PCDHGA4: variants seen among roughly 807,000 people sequenced by gnomAD.
PCDHGA4 encodes protocadherin gamma-A4.
Under a neutral mutation model 54.6 loss-of-function variants are expected in PCDHGA4, and 38 were observed. The ratio of observed to expected loss-of-function variants is 0.70; its 90% CI spans 0.54 to 0.91. The LOEUF (loss-of-function observed/expected upper bound fraction) is 0.91. Among genes scored for constraint, PCDHGA4 ranks in the 40% least tolerant of loss-of-function variants. The pLI is 0.00. For missense variants in PCDHGA4, 1,298 were observed against 1,220.9 expected (o/e 1.06, Z -0.94); for synonymous variants, 511 against 512.9 (o/e 1.00, Z 0.05).
chr5:141,380,805 G>A (rs1776753449), intron 1 of PCDHGA4, among the ~76,000 whole-genome samples: 1 of 152,204 alleles, frequency 6.6e-6, no homozygotes, highest in Non-Finnish European at 1.5e-5. Context: ...AAACAAATGT[G>A]AGATGAAACT....
chr5:141,361,869 G>T, intron 1 of PCDHGA4: 1 of 1,611,438 alleles, frequency 6.2e-7, no homozygotes, highest in Non-Finnish European at 8.5e-7. Flanking sequence ...TCGATATGGT[G>T]CCACGCGCCG....
intron 1 of PCDHGA4, among the ~76,000 whole-genome samples, chr5:141,492,221 G>C (rs62379206): frequency 0.18 from 27,189 of 152,134 alleles, 2,633 homozygotes; most frequent in Admixed American, 0.28. Context: ...GGGCTCATGC[G>C]TGTCCTCCCT....
intron 1 of PCDHGA4, among the ~76,000 whole-genome samples, chr5:141,445,892 T>C (rs2154561169): frequency 6.6e-6 from 1 of 152,346 alleles, no homozygotes; most frequent in African/African-American, 2.4e-5. Context: ...TTAGGAGCTA[T>C]TAAAATATTT....
intron 1 of PCDHGA4, among the ~76,000 whole-genome samples, chr5:141,437,250 G>T (rs1191184272): frequency 6.6e-6 from 1 of 152,102 alleles, no homozygotes; most frequent in African/African-American, 2.4e-5. Flanking sequence ...GACTTTCCTT[G>T]TCTTTTTATG....
At chr5:141,410,440 G>C in intron 1 of PCDHGA4, 1 of 1,614,036 alleles carries the variant, frequency 6.2e-7, no homozygotes, top group Non-Finnish European at 8.5e-7. Context: ...ACAGTGAGGG[G>C]ACTTTGCCTT....
intron 1 of PCDHGA4, among the ~76,000 whole-genome samples, chr5:141,465,779 G>GT (rs879859429): frequency 0.017 from 2,504 of 144,598 alleles, 23 homozygotes; most frequent in Non-Finnish European, 0.024. Flanking sequence ...TCTTGTTACA[G>GT]TTTTTTTTTT....
chr5:141,413,721 C>T (rs779673406), intron 1 of PCDHGA4: 1 of 1,613,592 alleles, frequency 6.2e-7, no homozygotes, highest in South Asian at 1.1e-5. Context: ...ATAAGCACTT[C>T]TCCCTAAGAG....
chr5:141,426,465 T>C, intron 1 of PCDHGA4: 1 of 315,366 alleles, frequency 3.2e-6, no homozygotes, highest in African/African-American at 2.2e-5. Context: ...ATGTTCAGGA[T>C]TTATTGACCT....
At position 141,491,084 on chromosome 5, in the gene PCDHGA4, C is replaced by T; in HGVS notation, c.2515-3723C>T. On this transcript the variant is annotated intron_variant, in intron 1 of 3. Transcript: ENST00000571252. This position sits in a 1 kb window ranked among gnomAD's most constrained non-coding sequence, Gnocchi z 6.9. ...TACTCACTGTTGCCACAGTCCACAGCCCCAGGACTGTTCCTCGTGTCTACA... is the reference window on the plus strand; with the variant it reads ...TACTCACTGTTGCCACAGTCCACAGTCCCAGGACTGTTCCTCGTGTCTACA... The T allele has an allele frequency of 6.2e-7, 1 of 1,614,106 alleles. No homozygotes were observed. The highest frequency in any genetic ancestry group is 1.1e-5 in the South Asian group (1 of 91,082).
rs61612330 is a variant in PCDHGA4, at chr5:141,454,796, A to ATTTTTTTTTTTT, written c.2515-39993_2515-39982dup. Among the ~76,000 whole-genome samples, 573 of 77,460 alleles carry ATTTTTTTTTTTT rather than the reference A, an allele frequency of 7.4e-3. 68 individuals carry two copies. Among genetic ancestry groups the ATTTTTTTTTTTT allele is most frequent in the Non-Finnish European group, 9.0e-3 (384 of 42,814 alleles). The allele number at this position is 77,460 out of a possible 152,430, so 50.8% of individuals were successfully genotyped here. A position where few individuals can be genotyped will look rare whatever the true frequency, so the allele number is the denominator to read the frequency against. On this transcript the variant is annotated intron_variant, in intron 1 of 3. Coordinates refer to ENST00000571252, the MANE Select transcript of PCDHGA4 (RefSeq NM_018917.4). ...AAGGAAATAATCCTCCATGGTTCTA[A>ATTTTTTTTTTTT]TTTTTTTTTTTTTTTTTTTTTTTTT...
Position 141,356,342 on chromosome 5 carries a change from T to A in PCDHGA4, c.1235T>A (p.Leu412Gln). ...VHDSDSGGNG[L>Q]VTCSIPDNLP... ...GACAGTGACTCAGGAGGAAATGGCC[T>A]AGTCACATGTTCTATTCCAGATAAT... is the stretch of plus-strand genomic sequence containing the variant. The change falls in exon 1 of 4, where the codon CTA becomes CAA. Residue 412 changes from leucine (L) to glutamine (Q), a missense_variant. Coordinates refer to ENST00000571252, the MANE Select transcript of PCDHGA4 (RefSeq NM_018917.4). The A allele has an allele frequency of 6.4e-7, 1 of 1,555,016 alleles. No individual in the cohort carries two copies. The highest frequency in any genetic ancestry group is 8.7e-7 in the Non-Finnish European group (1 of 1,148,666).
At chr5:141,495,277 G>A (rs2099760037) in intron 2 of PCDHGA4, among the ~76,000 whole-genome samples, 1 of 152,168 alleles carries the variant, frequency 6.6e-6, no homozygotes, top group African/African-American at 2.4e-5. Context: ...ACCGGAGGAG[G>A]CGGTCCGCAC....
intron 1 of PCDHGA4, among the ~76,000 whole-genome samples, chr5:141,380,390 G>A (rs1339602607): frequency 6.6e-6 from 1 of 152,198 alleles, no homozygotes; most frequent in African/African-American, 2.4e-5. Context: ...AGAAAAGAGA[G>A]AAGATAATCA....
chr5:141,485,882 G>C lies in PCDHGA4; in HGVS notation c.2515-8925G>C. 6.2e-7 allele frequency: 1 copy of C among 1,614,146 alleles called. No homozygotes were observed. On this transcript the variant is annotated intron_variant, in intron 1 of 3. Transcript: ENST00000571252. The surrounding 1 kb of genome is among the most constrained non-coding windows in gnomAD (Gnocchi z 5.7). ...CCGGGTATCCGTGCTGGACGTAAACGACAACGCCCCAGCCTTCCAGCAATC... is the reference window on the plus strand; with the variant it reads ...CCGGGTATCCGTGCTGGACGTAAACCACAACGCCCCAGCCTTCCAGCAATC...
chr5:141,375,336 A>G, intron 1 of PCDHGA4: 1 of 1,613,828 alleles, frequency 6.2e-7, no homozygotes, highest in African/African-American at 1.3e-5. Context: ...GTATTCTTGT[A>G]CAACATCACT....
chr5:141,437,484 T>C (rs547317864), intron 1 of PCDHGA4, among the ~76,000 whole-genome samples: 2 of 152,332 alleles, frequency 1.3e-5, no homozygotes, highest in South Asian at 4.1e-4. Flanking sequence ...ATATTTAATC[T>C]CGTAGATCAC....
chr5:141,490,903 C>G lies in PCDHGA4; in HGVS notation c.2515-3904C>G. 6.2e-7 allele frequency: 1 copy of G among 1,613,764 alleles called. No homozygotes were observed. The highest frequency in any genetic ancestry group is 1.7e-5 in the Admixed American group (1 of 60,022). On this transcript the variant is annotated intron_variant, in intron 1 of 3. Coordinates refer to ENST00000571252, the MANE Select transcript of PCDHGA4 (RefSeq NM_018917.4). This position sits in a 1 kb window ranked among gnomAD's most constrained non-coding sequence, Gnocchi z 5.4. ...CAACACATCTCTGCATGTGTTTGTC[C>G]TAGACGAGAATGATAATGCCCCAGC... is the stretch of plus-strand genomic sequence containing the variant.
chr5:141,365,777 G>C, intron 1 of PCDHGA4: 1 of 1,613,854 alleles, frequency 6.2e-7, no homozygotes, highest in Non-Finnish European at 8.5e-7. Flanking sequence ...CGACAGCGGC[G>C]ACAACGCTCG....
intron 1 of PCDHGA4, chr5:141,376,036 G>A (rs755190782): frequency 5.0e-6 from 8 of 1,613,116 alleles, no homozygotes; most frequent in South Asian, 1.1e-5. Flanking sequence ...ACCACGGCCA[G>A]CCCCCTCTCT....
Sources: gnomAD v4.1 joint callset for allele counts (sites outside exome capture counted in the v4.1 genomes callset) on GRCh38, gnomAD v4.1.1 for gene constraint, Gnocchi (gnomAD v3.1) non-coding constraint, MANE v1.5 for transcripts, NCBI Gene and HGNC (gene_info 2026-07-23, HGNC 2026-07-21) for gene names.